The following KALRN variants were observed in gnomAD, a reference collection of about 807,000 sequenced individuals.
KALRN encodes kalirin RhoGEF kinase.
A neutral mutation model predicts 353.7 loss-of-function variants in KALRN; 70 were observed. The ratio of observed to expected loss-of-function variants is 0.20; its 90% CI spans 0.16 to 0.24. KALRN has a LOEUF of 0.24. Among genes scored for constraint, KALRN ranks in the 10% least tolerant of loss-of-function variants. KALRN has a pLI of 1.00. For synonymous variants in KALRN, 1,391 were observed against 1,434.8 expected (o/e 0.97, Z 0.69); for missense variants, 2,791 against 3,756.7 (o/e 0.74, Z 6.72).
At chr3:124,180,427 A>G (rs1388133266) in intron 1 of KALRN, among the ~76,000 whole-genome samples, 1 of 151,566 alleles carries the variant, frequency 6.6e-6, no homozygotes, top group Non-Finnish European at 1.5e-5. Flanking sequence ...AGAATAAGCG[A>G]CTCCTCTCCC....
At chr3:124,357,698 C>A (rs143103637) in intron 10 of KALRN, among the ~76,000 whole-genome samples, 1 of 152,312 alleles carries the variant, frequency 6.6e-6, no homozygotes, top group East Asian at 1.9e-4. Flanking sequence ...TTTCTAGTCA[C>A]CTAGTTACTC....
chr3:124,458,293 A>AAAAAAGAG (rs1472678677), intron 23 of KALRN, among the ~76,000 whole-genome samples: 28 of 150,624 alleles, frequency 1.9e-4, no homozygotes, highest in East Asian at 9.9e-4. Context: ...AAAAAAAAAA[A>AAAAAAGAG]AAAGAGAATG....
intron 20 of KALRN, 130 bp from the exon 21 acceptor site, chr3:124,446,633 A>G: frequency 3.4e-6 from 4 of 1,159,446 alleles, no homozygotes; most frequent in East Asian, 2.4e-5. Context: ...CCAGAGCTAC[A>G]TACCAATCAA....
rs745336547 is a variant in KALRN at position 124,671,881 on chromosome 3, A to G, written c.6925A>G (p.Lys2309Glu). The G allele has an allele frequency of 1.2e-6, 2 of 1,613,546 alleles. No homozygotes were observed. The highest frequency in any genetic ancestry group is 3.3e-5 in the Admixed American group (2 of 60,016). Residue 2309 changes from lysine to glutamate, a missense_variant, in exon 48 of 60, where the codon AAG becomes GAG. By Grantham distance (56) the Lys-to-Glu change is moderately conservative (BLOSUM62 1). Coordinates refer to ENST00000682506, the MANE Select transcript of KALRN (RefSeq NM_001388419.1). ...PGFEYHQPGD[K>E]FEASKNDLGG... Reference sequence around the variant, plus strand: ...GTTTGAATACCACCAGCCTGGGGACAAGTTCGAAGCCAGCAAGGTAAGTGA... The same window carrying G: ...GTTTGAATACCACCAGCCTGGGGACGAGTTCGAAGCCAGCAAGGTAAGTGA...
intron 57 of KALRN, among the ~76,000 whole-genome samples, chr3:124,710,597 G>C (rs904249025): frequency 6.6e-6 from 1 of 152,106 alleles, no homozygotes; most frequent in South Asian, 2.1e-4. Context: ...GACCAGCCTC[G>C]GCAATATGGC....
intron 27 of KALRN, among the ~76,000 whole-genome samples, chr3:124,481,303 C>T (rs2061960500): frequency 6.6e-6 from 1 of 152,102 alleles, no homozygotes; most frequent in Admixed American, 6.5e-5. Flanking sequence ...ACCTTCTGGG[C>T]TCAAGTAATC....
rs561317893 is a variant in KALRN, at chr3:124,478,909, A to G, written c.4191+1575A>G. Among the ~76,000 whole-genome samples, 7 of 152,354 alleles carry G rather than the reference A, an allele frequency of 4.6e-5. No individual in the cohort carries two copies. In the East Asian group the frequency reaches 1.4e-3, roughly 29 times the overall value. On this transcript the variant is annotated intron_variant, in intron 27 of 59. Transcript: ENST00000682506. ...TGTGTCCTCTCCACACAACACAAAC[A>G]CACAAACACACACACCCTTCTGTCT... is the stretch of plus-strand genomic sequence containing the variant.
At chr3:124,608,561 G>A (rs1204667173) in intron 34 of KALRN, among the ~76,000 whole-genome samples, 4 of 152,084 alleles carry the variant, frequency 2.6e-5, no homozygotes. Flanking sequence ...GATAGTCTGT[G>A]GACCGTATGT....
At chr3:124,328,947 G>A (rs1489397413) in intron 7 of KALRN, among the ~76,000 whole-genome samples, 1 of 152,120 alleles carries the variant, frequency 6.6e-6, no homozygotes, top group Non-Finnish European at 1.5e-5. Flanking sequence ...ATTTATTTAG[G>A]CAGCTCTTTA....
At chr3:124,520,345 T>G (rs184720051) in intron 33 of KALRN, among the ~76,000 whole-genome samples, 1 of 152,254 alleles carries the variant, frequency 6.6e-6, no homozygotes, top group African/African-American at 2.4e-5. Context: ...GCTATAGCAA[T>G]TTACAAATCT....
rs2058835018 is a variant in KALRN at position 124,452,029 on chromosome 3, A to G, written c.3553-3148A>G. 3.9e-5 allele frequency among the ~76,000 whole-genome samples: 6 copies of G among 152,332 alleles called. No homozygotes were observed. The South Asian group carries it at 1.2e-3, about 32-fold the overall frequency. On this transcript the variant is annotated intron_variant, in intron 21 of 59. Coordinates refer to ENST00000682506, the MANE Select transcript of KALRN (RefSeq NM_001388419.1). ...ATTTAGACACAGCTTTTAGGCCAGG[A>G]CACCTCAGAAGTCACTGGCTGCATC...
At chr3:124,585,477 A>G (rs1291314754) in intron 34 of KALRN, among the ~76,000 whole-genome samples, 2 of 152,128 alleles carry the variant, frequency 1.3e-5, no homozygotes. Context: ...TTGGCTCATT[A>G]ATTAACAACT....
At chr3:124,518,455 A>T in intron 33 of KALRN, 3 of 1,613,936 alleles carry the variant, frequency 1.9e-6, no homozygotes, top group Non-Finnish European at 2.5e-6. Flanking sequence ...TTCTCCACTT[A>T]CGTTTAGCGC....
At chr3:124,343,307 A>G (rs989140992) in intron 9 of KALRN, among the ~76,000 whole-genome samples, 8 of 152,080 alleles carry the variant, frequency 5.3e-5, no homozygotes, top group African/African-American at 1.9e-4. Flanking sequence ...ACAGGTGTGC[A>G]CCACCACGCC....
chr3:124,526,720 C>A (rs186685703), intron 33 of KALRN, among the ~76,000 whole-genome samples: 1 of 152,030 alleles, frequency 6.6e-6, no homozygotes, highest in South Asian at 2.1e-4. Flanking sequence ...GGGTTATGTC[C>A]AAAATAGTAT....
chr3:124,665,278 C>T (rs1456321832), intron 45 of KALRN, among the ~76,000 whole-genome samples: 4 of 152,078 alleles, frequency 2.6e-5, no homozygotes, highest in African/African-American at 9.7e-5. Context: ...GTGCAAGGTG[C>T]TCTGACAGAG....
At chr3:124,240,458 G>A (rs766261561) in intron 3 of KALRN, among the ~76,000 whole-genome samples, 7 of 152,188 alleles carry the variant, frequency 4.6e-5, no homozygotes, top group Non-Finnish European at 1.0e-4. Flanking sequence ...GAAACAGCAC[G>A]GAGGGGAAAC....
chr3:124,424,906 G>C (rs890199390), intron 15 of KALRN, among the ~76,000 whole-genome samples: 4 of 152,152 alleles, frequency 2.6e-5, no homozygotes, highest in African/African-American at 9.7e-5. Flanking sequence ...CTCTTGACTG[G>C]TCAGCTGAAA....
intron 51 of KALRN, among the ~76,000 whole-genome samples, chr3:124,687,458 A>G (rs2061615375): frequency 6.6e-6 from 1 of 152,078 alleles, no homozygotes; most frequent in Non-Finnish European, 1.5e-5. Context: ...TGGGTGATAG[A>G]TGCTTTCATT....
Sources: allele counts gnomAD v4.1 joint callset (sites outside exome capture counted in the v4.1 genomes callset), GRCh38; gene constraint gnomAD v4.1.1; transcripts MANE v1.5; gene names NCBI Gene and HGNC (gene_info 2026-07-23, HGNC 2026-07-21).